The following CLEC2A variants were observed in gnomAD, a reference collection of about 807,000 sequenced individuals.
CLEC2A encodes the protein keratinocyte-associated C-type lectin.
A neutral mutation model predicts 18.6 loss-of-function variants in CLEC2A; 19 were observed. The ratio of observed to expected loss-of-function variants is 1.02; its 90% CI spans 0.71 to 1.50. The LOEUF (loss-of-function observed/expected upper bound fraction) is 1.50, where lower values mean the gene tolerates loss of function less well. CLEC2A is among the 40% of genes most tolerant of loss of function. The probability of loss-of-function intolerance (pLI) is 0.00; values close to 1 mark genes in which losing one functional copy is unlikely to be tolerated. For missense variants in CLEC2A, 190 were observed against 207.9 expected, an observed-to-expected ratio of 0.91 and a Z score of 0.53; for synonymous variants, 74 against 64.0, an observed-to-expected ratio of 1.16 and a Z score of -0.75.
chr12:9,927,380 T>C (rs12310574), intron 1 of CLEC2A, among the ~76,000 whole-genome samples: 14,362 of 152,262 alleles, frequency 0.094, 857 homozygotes, highest in African/African-American at 0.17. Flanking sequence ...GGACCATTGT[T>C]GTTATGCAAT....
chr12:9,917,640 C>CAACCATT (rs574958147), intron 3 of CLEC2A, among the ~76,000 whole-genome samples: 122 of 151,608 alleles, frequency 8.0e-4, no homozygotes, highest in Non-Finnish European at 1.5e-3. Flanking sequence ...AACACCACCG[C>CAACCATT]AACCATTGTT....
the CLEC2A span, among the ~76,000 whole-genome samples, chr12:9,883,417 A>G: frequency 6.6e-6 from 1 of 152,202 alleles, no homozygotes; most frequent in Non-Finnish European, 1.5e-5. Flanking sequence ...CACTTCATGT[A>G]CTCAGCTCTC....
At chr12:9,910,500 A>G (rs555050852), downstream of CLEC2A, among the ~76,000 whole-genome samples, 30 of 152,140 alleles carry the variant, frequency 2.0e-4, no homozygotes, top group African/African-American at 7.2e-4. Flanking sequence ...AATCTCTCCT[A>G]CTAGAGATTT....
chr12:9,895,923 A>G, downstream of CLEC2A: 7 of 1,280,984 alleles, frequency 5.5e-6, no homozygotes, highest in Non-Finnish European at 7.2e-6. Context: ...TCTAACAGAA[A>G]GTTTCTGCTA....
chr12:9,930,089 A>G (rs1013040092), intron 1 of CLEC2A, among the ~76,000 whole-genome samples: 1 of 152,146 alleles, frequency 6.6e-6, no homozygotes, highest in Non-Finnish European at 1.5e-5. Context: ...TGAAATTAAG[A>G]TGTTGGTCGG....
the CLEC2A span, chr12:9,893,211 G>T: frequency 7.3e-6 from 11 of 1,505,740 alleles, no homozygotes; most frequent in South Asian, 1.3e-4. Context: ...AGGAAAAATG[G>T]CTTAGGTGCA....
chr12:9,923,845 A>G (rs963722013), intron 2 of CLEC2A, among the ~76,000 whole-genome samples: 7 of 152,062 alleles, frequency 4.6e-5, no homozygotes, highest in African/African-American at 1.2e-4. Flanking sequence ...ACCAAACACC[A>G]CATGTTCTCA....
chr12:9,892,225 G>A, the CLEC2A span, among the ~76,000 whole-genome samples: 5 of 152,052 alleles, frequency 3.3e-5, no homozygotes, highest in African/African-American at 9.7e-5. Context: ...AAAAGTTAGC[G>A]GGTAAAGAAG....
chr12:9,902,793 G>T, intron 4 of CLEC2A, among the ~76,000 whole-genome samples: 1 of 152,188 alleles, frequency 6.6e-6, no homozygotes, highest in Non-Finnish European at 1.5e-5. Context: ...ACAAAGGAGA[G>T]TAAGGGTTTT....
chr12:9,898,071 A>G (rs1183706445), downstream of CLEC2A, among the ~76,000 whole-genome samples: 1 of 152,260 alleles, frequency 6.6e-6, no homozygotes, highest in Non-Finnish European at 1.5e-5. Flanking sequence ...GGAATTTGCC[A>G]TGTGGCTTGT....
downstream of CLEC2A, among the ~76,000 whole-genome samples, chr12:9,898,378 C>G (rs1486972031): frequency 1.3e-5 from 2 of 152,198 alleles, no homozygotes; most frequent in Non-Finnish European, 1.5e-5. Flanking sequence ...TGCCAGACCC[C>G]TCATCCATTG....
At chr12:9,887,580 G>T in the CLEC2A span, among the ~76,000 whole-genome samples, 2 of 152,144 alleles carry the variant, frequency 1.3e-5, no homozygotes, top group Admixed American at 6.5e-5. Flanking sequence ...ATAGAATGAA[G>T]CTAGCCCAAG....
the CLEC2A span, among the ~76,000 whole-genome samples, chr12:9,887,723 A>G: frequency 6.7e-6 from 1 of 148,302 alleles, no homozygotes. Context: ...TGGTCAAAAG[A>G]GTTTTTTTTT....
chr12:9,886,995 G>T, the CLEC2A span, among the ~76,000 whole-genome samples: 1 of 151,784 alleles, frequency 6.6e-6, no homozygotes, highest in Non-Finnish European at 1.5e-5. Flanking sequence ...ATATCCCGGA[G>T]CACAGAGCAA....
chr12:9,912,047 G>A (rs1280548161), downstream of CLEC2A, among the ~76,000 whole-genome samples: 2 of 152,114 alleles, frequency 1.3e-5, no homozygotes, highest in African/African-American at 4.8e-5. Flanking sequence ...AACAGTGATA[G>A]TTGGGGGGCC....
rs546493377 is a variant in CLEC2A at position 9,919,326 on chromosome 12, A to G, written c.307-2523T>C. 1.5e-3 allele frequency among the ~76,000 whole-genome samples: 226 copies of G among 152,346 alleles called. 2 individuals are homozygous for G. The highest frequency in any genetic ancestry group is 1.9e-3 in the Non-Finnish European group (128 of 68,026). On this transcript the variant is annotated intron_variant, in intron 3 of 4. Transcript: ENST00000455827. ...AAGTAAGCAATCATTCAGTGCAATC[A>G]GCCCAGGATGGAGGGTCTCTGCTGT...
At chr12:9,902,363 G>C (rs1431754049) in intron 4 of CLEC2A, among the ~76,000 whole-genome samples, 1 of 151,520 alleles carries the variant, frequency 6.6e-6, no homozygotes, top group Non-Finnish European at 1.5e-5. Flanking sequence ...CCCCCAAGTA[G>C]CTGGAATTAC....
At chr12:9,894,081 CTCT>C (rs1253299141), downstream of CLEC2A, among the ~76,000 whole-genome samples, 6 of 149,492 alleles carry the variant, frequency 4.0e-5, no homozygotes, top group East Asian at 2.0e-4. Flanking sequence ...TTCTCTTTCT[CTCT>C]TCTTCTTTCT....
At chr12:9,904,852 AG>A (rs1490997515) in intron 4 of CLEC2A, among the ~76,000 whole-genome samples, 2 of 152,156 alleles carry the variant, frequency 1.3e-5, no homozygotes, top group African/African-American at 2.4e-5. Flanking sequence ...ACTTTGAAAA[AG>A]GGGGCCTGGC....
Sources: allele counts gnomAD v4.1 joint callset (sites outside exome capture counted in the v4.1 genomes callset), GRCh38; gene constraint gnomAD v4.1.1; transcripts MANE v1.5; gene names NCBI Gene and HGNC (gene_info 2026-07-23, HGNC 2026-07-21).